Variants in DSP observed in about 807,000 individuals in gnomAD.
The protein encoded by DSP is 250/210 kDa paraneoplastic pemphigus antigen.
A neutral mutation model predicts 290.6 loss-of-function variants in DSP; 114 were observed. That is an observed-to-expected ratio of 0.39 (90% CI 0.34 to 0.46). The LOEUF is 0.46. Among genes scored for constraint, DSP ranks in the 20% least tolerant of loss-of-function variants. The pLI is 0.99. For synonymous variants in DSP, 1,311 were observed against 1,316.4 expected (o/e 1.00, Z 0.09); for missense variants, 3,230 against 3,495.8 (o/e 0.92, Z 1.92).
intron 1 of DSP, among the ~76,000 whole-genome samples, chr6:7,548,319 G>A (rs1581784483): frequency 6.6e-6 from 1 of 152,050 alleles, no homozygotes; most frequent in East Asian, 1.9e-4. Context: ...AGCAGCCTCC[G>A]CAAGTAAGAG....
intron 20 of DSP, among the ~76,000 whole-genome samples, chr6:7,577,574 C>T (rs972749972): frequency 1.3e-5 from 2 of 152,122 alleles, no homozygotes; most frequent in African/African-American, 4.8e-5. Context: ...GGGATCTGCC[C>T]GGCTCGGCCT....
At chr6:7,572,891 G>C (rs886660293) in intron 15 of DSP, among the ~76,000 whole-genome samples, 3 of 152,194 alleles carry the variant, frequency 2.0e-5, no homozygotes, top group African/African-American at 7.2e-5. Context: ...CCTAAATACT[G>C]TAGGCAATTG....
chr6:7,580,693 A>G lies in DSP; in HGVS notation c.4503A>G (p.Glu1501=). ...AAACAAATGACCGGAAATGCCTGGA[A>G]GATGAAAACGCGAGATTACAAAGGG... ...DKETNDRKCL[E]DENARLQRVQ... Residue 1501 remains glutamate (E), a synonymous_variant, in exon 23 of 24, where the codon GAA becomes GAG. Transcript: ENST00000379802. The surrounding 1 kb of genome is among the most constrained non-coding windows in gnomAD (Gnocchi z 4.2). 1.9e-6 allele frequency: 3 copies of G among 1,614,088 alleles called. No individual in the cohort carries two copies. In the South Asian group the frequency reaches 3.3e-5, roughly 18 times the overall value.
chr6:7,579,193 G>A lies in DSP; in HGVS notation c.3085-82G>A, dbSNP rs922529747. 12 of 1,562,866 alleles carry A rather than the reference G, an allele frequency of 7.7e-6. No homozygotes were observed. Among genetic ancestry groups the A allele is most frequent in the Non-Finnish European group, 9.6e-6 (11 of 1,149,970 alleles). On this transcript the variant is annotated intron_variant, in intron 22 of 23. Transcript: ENST00000379802. The surrounding 1 kb of genome is among the most constrained non-coding windows in gnomAD (Gnocchi z 4.1). Reference sequence around the variant, plus strand: ...TAAAGAGAAATAAGAATGCACATTGGTCTGGGAGGGGAAAAGTACTGCTTC... The same window carrying A: ...TAAAGAGAAATAAGAATGCACATTGATCTGGGAGGGGAAAAGTACTGCTTC...
At chr6:7,578,397 G>A (rs1013399678) in intron 21 of DSP, 67 bp from the exon 22 acceptor site, 24 of 1,361,912 alleles carry the variant, frequency 1.8e-5, no homozygotes, top group Non-Finnish European at 2.4e-5. Context: ...AACAAAATCG[G>A]TCAAATTACA....
intron 4 of DSP, among the ~76,000 whole-genome samples, chr6:7,561,402 G>A (rs1046941494): frequency 6.6e-6 from 1 of 152,122 alleles, no homozygotes; most frequent in Non-Finnish European, 1.5e-5. Context: ...TCCTCTTATC[G>A]CTTGTTCCCC....
intron 4 of DSP, among the ~76,000 whole-genome samples, chr6:7,561,030 C>A (rs151326456): frequency 0.012 from 1,770 of 151,528 alleles, 39 homozygotes; most frequent in African/African-American, 0.04. Context: ...CGTCTCACTG[C>A]AACCTCTATC....
In DSP at chr6:7,542,052, G is replaced by A. The variant is rs140403872; in HGVS notation, c.137G>A (p.Gly46Asp). Reference protein sequence around the residue: ...GTSRMYYSRRGVITDQNSDGY... With the variant: ...GTSRMYYSRRDVITDQNSDGY... ...AGCAGGATGTACTATTCTCGGCGCGGCGTGATCACCGACCAGAACTCGGAC... is the reference window on the plus strand; with the variant it reads ...AGCAGGATGTACTATTCTCGGCGCGACGTGATCACCGACCAGAACTCGGAC... Residue 46 changes from glycine (G) to aspartate (D), a missense_variant, in exon 1 of 24, where the codon GGC (glycine) becomes GAC (aspartate). By Grantham distance (94) the Gly-to-Asp change is moderately conservative. This residue lies in a region of DSP where 646 missense variants were observed against 684.3 expected (regional missense o/e 0.94). Coordinates refer to ENST00000379802, the MANE Select transcript of DSP (RefSeq NM_004415.4). 73 of 1,571,722 alleles carry A rather than the reference G, an allele frequency of 4.6e-5. No individual in the cohort carries two copies. Among genetic ancestry groups the A allele is most frequent in the Non-Finnish European group, 6.0e-5 (69 of 1,159,064 alleles).
chr6:7,584,770 G>A lies in DSP; in HGVS notation c.7508G>A (p.Trp2503Ter). ...FKELCEQECEWEEITITGSDG... is the reference protein window; with the variant it reads ...FKELCEQECE ...GAACTGTGTGAGCAGGAATGTGAAT[G>A]GGAAGAAATAACCATCACGGGATCA... The change falls in exon 24 of 24, where the codon TGG becomes TAG. Residue 2503 changes from tryptophan to a stop codon, truncating the protein, a stop_gained. Transcript: ENST00000379802. LOFTEE classifies it high-confidence loss of function. The surrounding 1 kb of genome is among the most constrained non-coding windows in gnomAD (Gnocchi z 6.4). 6.2e-7 allele frequency: 1 copy of A among 1,614,196 alleles called. No individual in the cohort carries two copies. The highest frequency in any genetic ancestry group is 1.7e-5 in the Admixed American group (1 of 60,038).
rs142164661 is a variant in DSP at position 7,555,099 on chromosome 6, G to A, written c.171-619G>A. ...GTGTTGGGGACTGTCATTAGGGACC[G>A]CTGTGGGATGAAGCAGGAGTGAAGC... On this transcript the variant is annotated intron_variant, in intron 1 of 23. Coordinates refer to ENST00000379802, the MANE Select transcript of DSP (RefSeq NM_004415.4). Among the ~76,000 whole-genome samples, 254 of 152,298 alleles carry A rather than the reference G, an allele frequency of 1.7e-3. 1 individual carries two copies. The highest frequency in any genetic ancestry group is 5.9e-3 in the African/African-American group (247 of 41,546).
At chr6:7,569,624 T>C (rs1175101620) in intron 12 of DSP, among the ~76,000 whole-genome samples, 4 of 152,066 alleles carry the variant, frequency 2.6e-5, no homozygotes, top group African/African-American at 9.7e-5. Context: ...CACCTGAGGT[T>C]AGGAGTTTGA....
At chr6:7,548,638 CT>C in intron 1 of DSP, among the ~76,000 whole-genome samples, 2 of 152,288 alleles carry the variant, frequency 1.3e-5, no homozygotes. Context: ...AGAAGCAGAA[CT>C]TTTATTAGAG....
chr6:7,582,692 G>A lies in DSP; in HGVS notation c.5430G>A (p.Gln1810=), dbSNP rs1424619860. 2 of 1,613,776 alleles carry A rather than the reference G, an allele frequency of 1.2e-6. No individual in the cohort carries two copies. Among genetic ancestry groups the A allele is most frequent in the Non-Finnish European group, 1.7e-6 (2 of 1,179,902 alleles). Residue 1810 remains glutamine, a synonymous_variant, in exon 24 of 24, where the codon CAG becomes CAA. Coordinates refer to ENST00000379802, the MANE Select transcript of DSP (RefSeq NM_004415.4). The surrounding 1 kb of genome is among the most constrained non-coding windows in gnomAD (Gnocchi z 4.2). ...ESKNQCTQVV[Q]ERESLLVKIK... Reference sequence around the variant, plus strand: ...AGAATCAGTGTACTCAGGTGGTACAGGAAAGAGAGAGCCTTCTGGTGAAAA... The same window carrying A: ...AGAATCAGTGTACTCAGGTGGTACAAGAAAGAGAGAGCCTTCTGGTGAAAA...
Position 7,565,807 on chromosome 6 carries a change from A to C in DSP, c.939+287A>C, listed in dbSNP as rs1758844936. The C allele has an allele frequency of 2.3e-6, 1 of 429,926 alleles. No individual in the cohort carries two copies. The highest frequency in any genetic ancestry group is 3.5e-5 in the Admixed American group (1 of 28,562). The allele number at this position is 429,926 out of a possible 1,614,324, so 26.6% of individuals were successfully genotyped here. A position where few individuals can be genotyped will look rare whatever the true frequency, so the allele number is the denominator to read the frequency against. ...GGATACATCGAGGGCAACAACACAC[A>C]CTGGGGCCTTTCGGAGGGCAGAGGG... On this transcript the variant is annotated intron_variant, in intron 7 of 23. Coordinates refer to ENST00000379802, the MANE Select transcript of DSP (RefSeq NM_004415.4). The surrounding 1 kb of genome is among the most constrained non-coding windows in gnomAD (Gnocchi z 4.2).
rs762926593 is a variant in DSP, at chr6:7,582,947, T to C, written c.5685T>C (p.Leu1895=). 1.9e-6 allele frequency: 3 copies of C among 1,613,776 alleles called. No individual in the cohort carries two copies. Among genetic ancestry groups the C allele is most frequent in the Non-Finnish European group, 2.5e-6 (3 of 1,180,004 alleles). The stretch of plus-strand genomic sequence containing the variant: ...AGAGTGAGAGAGAGAAGAACAGTCT[T>C]AGGAGTGAGATCGAAAGACTCCAAG... ...REKSEREKNS[L]RSEIERLQAE... The change falls in exon 24 of 24, where the codon CTT becomes CTC. Residue 1895 remains leucine (L), a synonymous_variant. Coordinates refer to ENST00000379802, the MANE Select transcript of DSP (RefSeq NM_004415.4). The surrounding 1 kb of genome is among the most constrained non-coding windows in gnomAD (Gnocchi z 4.2).
In DSP at chr6:7,582,139, G is replaced by GGTGTGT. The variant is rs10545097; in HGVS notation, c.5380-480_5380-475dup. Among the ~76,000 whole-genome samples, 7 of 143,792 alleles carry GGTGTGT rather than the reference G, an allele frequency of 4.9e-5. No individual in the cohort carries two copies. The highest frequency in any genetic ancestry group is 2.2e-4 in the South Asian group (1 of 4,600). 94.3% of individuals were successfully genotyped at this position (143,792 alleles called of 152,430 possible). ...GACAATATTTGTGTGTGGCTGGGTT[G>GGTGTGT]GTGTGTGTGTGTGTGTGTGTGTGTG... is the stretch of plus-strand genomic sequence containing the variant. On this transcript the variant is annotated intron_variant, in intron 23 of 23. Coordinates refer to ENST00000379802, the MANE Select transcript of DSP (RefSeq NM_004415.4). This position sits in a 1 kb window ranked among gnomAD's most constrained non-coding sequence, Gnocchi z 4.2.
At chr6:7,546,473 T>G (rs1252837380) in intron 1 of DSP, among the ~76,000 whole-genome samples, 1 of 152,186 alleles carries the variant, frequency 6.6e-6, no homozygotes, top group Non-Finnish European at 1.5e-5. Context: ...TATAGGATGT[T>G]TGTTATCTCA....
At position 7,565,278 on chromosome 6, in the gene DSP, C is replaced by A; in HGVS notation, c.778-81C>A. ...TGTGATTTTTTTTTTAAAGGGACCA[C>A]AGGTTTAATCTTTAAACCTGCAGAG... On this transcript the variant is annotated intron_variant, in intron 6 of 23. Transcript: ENST00000379802. This position sits in a 1 kb window ranked among gnomAD's most constrained non-coding sequence, Gnocchi z 4.2. 6.4e-7 allele frequency: 1 copy of A among 1,559,518 alleles called. No individual in the cohort carries two copies. Among genetic ancestry groups the A allele is most frequent in the Non-Finnish European group, 8.8e-7 (1 of 1,137,926 alleles).
chr6:7,580,128 TGGAGGAGGCTGCCAA>T lies in DSP; in HGVS notation c.3940_3954del (p.Glu1314_Lys1318del). 1 of 1,614,082 alleles carries T rather than the reference TGGAGGAGGCTGCCAA, an allele frequency of 6.2e-7. No individual in the cohort carries two copies. Among genetic ancestry groups the T allele is most frequent in the Non-Finnish European group, 8.5e-7 (1 of 1,180,002 alleles). ...GACAATGCCCGGCACAAGCAGTCCCTGGAGGAGGCTGCCAAGACCATTCAGGACAAAAATAAGGAG... is the reference window on the plus strand; with the variant it reads ...GACAATGCCCGGCACAAGCAGTCCCTGACCATTCAGGACAAAAATAAGGAG... On this transcript the variant is annotated inframe_deletion, in exon 23 of 24. Transcript: ENST00000379802. This position sits in a 1 kb window ranked among gnomAD's most constrained non-coding sequence, Gnocchi z 4.2.
Sources: allele counts gnomAD v4.1 joint callset (sites outside exome capture counted in the v4.1 genomes callset), GRCh38; gene constraint gnomAD v4.1.1; regional missense constraint gnomAD v4.1.1; non-coding constraint Gnocchi (gnomAD v3.1); transcripts MANE v1.5; gene names NCBI Gene and HGNC (gene_info 2026-07-23, HGNC 2026-07-21).